TRIM14: variants seen among roughly 807,000 people sequenced by gnomAD.
The protein encoded by TRIM14 is tripartite motif-containing protein 14.
A neutral mutation model predicts 44.5 loss-of-function variants in TRIM14; 28 were observed. The observed-to-expected ratio is 0.63, with a 90% CI of 0.47 to 0.86. The LOEUF is 0.86. Among genes scored for constraint, TRIM14 ranks in the 40% least tolerant of loss-of-function variants. The probability of loss-of-function intolerance (pLI) is 0.00; values close to 1 mark genes in which losing one functional copy is unlikely to be tolerated. For missense variants in TRIM14, 607 were observed against 611.1 expected, an observed-to-expected ratio of 0.99 and a Z score of 0.07; for synonymous variants, 299 against 269.2, an observed-to-expected ratio of 1.11 and a Z score of -1.08.
At chr9:98,062,733 T>C in the TRIM14 span, among the ~76,000 whole-genome samples, 2 of 151,486 alleles carry the variant, frequency 1.3e-5, no homozygotes, top group Non-Finnish European at 2.9e-5. Flanking sequence ...TGTACTATAC[T>C]GTACCTAACC....
intron 6 of TRIM14, among the ~76,000 whole-genome samples, chr9:98,071,583 A>G (rs930327477): frequency 6.6e-6 from 1 of 152,218 alleles, no homozygotes; most frequent in Non-Finnish European, 1.5e-5. Context: ...AACCTGGGCT[A>G]AGGGCTAGGA....
downstream of TRIM14, among the ~76,000 whole-genome samples, chr9:98,066,343 A>G (rs567719759): frequency 2.0e-3 from 297 of 152,274 alleles, no homozygotes; most frequent in African/African-American, 6.9e-3. Flanking sequence ...CCTTTCCATC[A>G]TCATTCTCAC....
intron 2 of TRIM14, among the ~76,000 whole-genome samples, chr9:98,102,090 C>T (rs2417729): frequency 0.6 from 90,354 of 150,972 alleles, 29,426 homozygotes; most frequent in African/African-American, 0.86. Flanking sequence ...CAGTGGGGAG[C>T]GAACGTTCTG....
chr9:98,045,440 T>C, the TRIM14 span, among the ~76,000 whole-genome samples: 5 of 152,218 alleles, frequency 3.3e-5, no homozygotes, highest in African/African-American at 9.7e-5. Context: ...CTGTGCCAAT[T>C]ACTGAGTTTT....
At chr9:98,081,457 A>G (rs1221906544), downstream of TRIM14, 8 of 198,542 alleles carry the variant, frequency 4.0e-5, no homozygotes, top group East Asian at 1.1e-3. Flanking sequence ...CCTGAGAAAC[A>G]TTTAGGCACG....
chr9:98,060,853 G>C, the TRIM14 span: 360,254 of 1,613,884 alleles, frequency 0.22, 42,230 homozygotes, highest in Admixed American at 0.26. Flanking sequence ...AAGCCTTGGA[G>C]AGGCCATACA....
At chr9:98,092,657 T>C (rs903802824) in intron 4 of TRIM14, 5 of 178,236 alleles carry the variant, frequency 2.8e-5, no homozygotes, top group Non-Finnish European at 5.0e-5. Flanking sequence ...CTGTACGTCA[T>C]GAACAATAAC....
intron 6 of TRIM14, chr9:98,078,401 T>C (rs2117971837): frequency 1.3e-6 from 2 of 1,565,632 alleles, no homozygotes; most frequent in South Asian, 1.2e-5. Context: ...GGGGAAGGCG[T>C]AGTCTTTTTT....
intron 1 of TRIM14, among the ~76,000 whole-genome samples, chr9:98,115,238 T>C (rs1418407126): frequency 6.6e-6 from 1 of 151,692 alleles, no homozygotes; most frequent in Non-Finnish European, 1.5e-5. Flanking sequence ...TACAGGTACA[T>C]GCCACCACGC....
chr9:98,042,626 C>T, the TRIM14 span, among the ~76,000 whole-genome samples: 1 of 152,164 alleles, frequency 6.6e-6, no homozygotes, highest in Admixed American at 6.5e-5. Flanking sequence ...AATCCCAGCA[C>T]TTTGGGAGGC....
chr9:98,063,400 C>A, the TRIM14 span, among the ~76,000 whole-genome samples: 1 of 151,912 alleles, frequency 6.6e-6, no homozygotes, highest in African/African-American at 2.4e-5. Flanking sequence ...TGCCACCAGG[C>A]CCAGCTAAAT....
At chr9:98,113,113 CAAAAAAAA>C (rs57908629) in intron 1 of TRIM14, among the ~76,000 whole-genome samples, 7 of 39,250 alleles carry the variant, frequency 1.8e-4, no homozygotes, top group South Asian at 9.3e-4. Flanking sequence ...AACTCCATCT[CAAAAAAAA>C]AAAAAAAAAA....
the TRIM14 span, among the ~76,000 whole-genome samples, chr9:98,052,927 T>C: frequency 6.6e-6 from 1 of 152,226 alleles, no homozygotes; most frequent in Non-Finnish European, 1.5e-5. Flanking sequence ...TAACCATGGA[T>C]GCATAAAGTG....
chr9:98,056,869 A>C, the TRIM14 span: 1 of 1,612,256 alleles, frequency 6.2e-7, no homozygotes, highest in Non-Finnish European at 8.5e-7. Flanking sequence ...CCCGTGCTTC[A>C]TCATTGCCGA....
chr9:98,048,237 G>C, the TRIM14 span, among the ~76,000 whole-genome samples: 1 of 152,032 alleles, frequency 6.6e-6, no homozygotes, highest in Non-Finnish European at 1.5e-5. Flanking sequence ...TTCTCCTTTT[G>C]GGATCTGAGA....
chr9:98,118,597 A>G (rs1403302114), intron 1 of TRIM14, among the ~76,000 whole-genome samples: 1 of 152,192 alleles, frequency 6.6e-6, no homozygotes, highest in Non-Finnish European at 1.5e-5. Flanking sequence ...TCTGAGCTAC[A>G]CAGGGCTGTT....
At chr9:98,077,143 A>C in intron 6 of TRIM14, 1 of 712,582 alleles carries the variant, frequency 1.4e-6, no homozygotes, top group Non-Finnish European at 2.3e-6. Context: ...CATTTTTTTA[A>C]ATAGAGATAG....
chr9:98,117,580 C>G (rs1827100039), intron 1 of TRIM14, among the ~76,000 whole-genome samples: 1 of 152,170 alleles, frequency 6.6e-6, no homozygotes, highest in Non-Finnish European at 1.5e-5. Context: ...CAGGCATGAG[C>G]CACTGTGCCC....
rs1168931022 is a variant in TRIM14, at chr9:98,088,005, T to C, written c.794A>G (p.Tyr265Cys). 9.2e-6 allele frequency: 14 copies of C among 1,529,926 alleles called. No individual in the cohort carries two copies. Among genetic ancestry groups the C allele is most frequent in the Non-Finnish European group, 1.2e-5 (14 of 1,152,146 alleles). The allele number at this position is 1,529,926 out of a possible 1,614,324, so 94.8% of individuals were successfully genotyped here. The part of the protein sequence containing the change: ...PSPERSLLLK[Y>C]ARTPTLDPDT... The stretch of plus-strand genomic sequence containing the variant: ...AGGATCCAGCGTGGGCGTGCGCGCG[T>C]CTGCAGGGGGCGAGACAAGGGACGC... The change falls in exon 6 of 6, where the codon TAC becomes TGC. Residue 265 changes from tyrosine to cysteine, a missense_variant and splice_region_variant. By Grantham distance (194) the Tyr-to-Cys change is radical. Coordinates refer to ENST00000341469, the MANE Select transcript of TRIM14 (RefSeq NM_014788.4).
Sources: gnomAD v4.1 joint callset for allele counts (sites outside exome capture counted in the v4.1 genomes callset) on GRCh38, gnomAD v4.1.1 for gene constraint, MANE v1.5 for transcripts, NCBI Gene and HGNC (gene_info 2026-07-23, HGNC 2026-07-21) for gene names.